The following AK5 variants were observed in gnomAD, a reference collection of about 807,000 sequenced individuals.
The protein encoded by AK5 is adenylate kinase 5.
Under a neutral mutation model 69.5 loss-of-function variants are expected in AK5, and 27 were observed. The observed-to-expected ratio is 0.39, with a 90% CI of 0.29 to 0.54. The LOEUF is 0.54. AK5 is among the 20% of genes least tolerant of loss of function. The pLI, the probability that AK5 is intolerant of heterozygous loss-of-function variation, is 0.71. For missense variants in AK5, 531 were observed against 700.4 expected (o/e 0.76, Z 2.73); for synonymous variants, 260 against 244.4 (o/e 1.06, Z -0.60).
intron 6 of AK5, among the ~76,000 whole-genome samples, chr1:77,403,013 T>C (rs1406957431): frequency 1.3e-5 from 2 of 152,108 alleles, no homozygotes; most frequent in African/African-American, 2.4e-5. Context: ...TGGTATCTCA[T>C]TGTGGTTTTG....
At chr1:77,472,709 A>C (rs115001967) in intron 8 of AK5, among the ~76,000 whole-genome samples, 2,162 of 117,790 alleles carry the variant, frequency 0.018, 59 homozygotes, top group African/African-American at 0.056. Flanking sequence ...ATGGTAAAAT[A>C]CCATCTCTAC....
chr1:77,299,059 A>C (rs1233292504), intron 5 of AK5, among the ~76,000 whole-genome samples: 1 of 152,164 alleles, frequency 6.6e-6, no homozygotes. Flanking sequence ...ATACAAATGC[A>C]TTCTAAATTT....
rs550079261 is a variant in AK5, at chr1:77,469,199, C to T, written c.1060-14118C>T. Reference sequence around the variant, plus strand: ...GCTGGGCTCTATTGATCTCAGCTCACTCACACATCTGCAGTGGGATGGACA... The same window carrying T: ...GCTGGGCTCTATTGATCTCAGCTCATTCACACATCTGCAGTGGGATGGACA... On this transcript the variant is annotated intron_variant, in intron 8 of 13. Transcript: ENST00000354567. Among the ~76,000 whole-genome samples, 124 of 152,314 alleles carry T rather than the reference C, an allele frequency of 8.1e-4. 5 individuals are homozygous for T. The South Asian group carries it at 0.025, about 30-fold the overall frequency.
At chr1:77,309,890 A>G (rs1246842022) in intron 5 of AK5, among the ~76,000 whole-genome samples, 1 of 151,854 alleles carries the variant, frequency 6.6e-6, no homozygotes, top group Non-Finnish European at 1.5e-5. Context: ...ATTTTCTTTC[A>G]TTTATATTTT....
At chr1:77,462,758 T>C (rs1365159009) in intron 8 of AK5, among the ~76,000 whole-genome samples, 6 of 152,184 alleles carry the variant, frequency 3.9e-5, no homozygotes, top group African/African-American at 1.4e-4. Flanking sequence ...TCAATAAATA[T>C]GGTGGTACTG....
chr1:77,503,219 G>C (rs1656828366), intron 10 of AK5, among the ~76,000 whole-genome samples: 1 of 152,160 alleles, frequency 6.6e-6, no homozygotes, highest in Non-Finnish European at 1.5e-5. Context: ...AAAACCATCA[G>C]TTTCACATGC....
intron 10 of AK5, among the ~76,000 whole-genome samples, chr1:77,503,637 C>T (rs148203450): frequency 6.6e-6 from 1 of 152,106 alleles, no homozygotes; most frequent in Admixed American, 6.5e-5. Context: ...CACAGTGGCT[C>T]AAACCTATAA....
intron 5 of AK5, among the ~76,000 whole-genome samples, chr1:77,315,773 G>A (rs1277264642): frequency 6.6e-6 from 1 of 152,092 alleles, no homozygotes; most frequent in Non-Finnish European, 1.5e-5. Flanking sequence ...TATTCTGCTT[G>A]TTAAATTTAA....
intron 10 of AK5, among the ~76,000 whole-genome samples, chr1:77,495,938 G>A (rs919442231): frequency 3.3e-5 from 5 of 152,324 alleles, no homozygotes; most frequent in Middle Eastern, 3.4e-3. Context: ...GGTGAATTTT[G>A]TTAGTTCATT....
rs553790114 is a variant in AK5, at chr1:77,483,336, T to C, written c.1079T>C (p.Val360Ala). Reference protein sequence around the residue: ...YEDQGDDQLNVFGEDTMGGFM... With the variant: ...YEDQGDDQLNAFGEDTMGGFM... The stretch of plus-strand genomic sequence containing the variant: ...TAACAGGGTGATGACCAGTTAAATG[T>C]ATTTGGAGAGGACACTATGGGAGGT... Residue 360 changes from valine (V) to alanine (A), a missense_variant, in exon 9 of 14, where the codon GTA (valine) becomes GCA (alanine). Val to Ala is a moderately conservative substitution (Grantham distance 64). Transcript: ENST00000354567. The C allele has an allele frequency of 9.0e-5, 145 of 1,612,614 alleles. No homozygotes were observed. The highest frequency in any genetic ancestry group is 7.6e-4 in the East Asian group (34 of 44,868).
chr1:77,438,825 G>A (rs1021696904), intron 8 of AK5, among the ~76,000 whole-genome samples: 1 of 152,048 alleles, frequency 6.6e-6, no homozygotes, highest in South Asian at 2.1e-4. Context: ...CGAACCAGAA[G>A]AACATTGTCC....
chr1:77,373,682 T>A (rs1332505204), intron 6 of AK5, among the ~76,000 whole-genome samples: 1 of 151,194 alleles, frequency 6.6e-6, no homozygotes, highest in Non-Finnish European at 1.5e-5. Flanking sequence ...GCCGAGATCG[T>A]GCCATTGCAC....
chr1:77,307,905 T>C (rs1281177628), intron 5 of AK5, among the ~76,000 whole-genome samples: 3 of 152,194 alleles, frequency 2.0e-5, no homozygotes, highest in African/African-American at 7.2e-5. Context: ...TCGGTTTTCA[T>C]GAAGGTGTTT....
At chr1:77,283,755 T>C (rs1557460065) in intron 1 of AK5, 1 of 452,622 alleles carries the variant, frequency 2.2e-6, no homozygotes, top group African/African-American at 2.1e-5. Flanking sequence ...TTTTTTTGTT[T>C]GTTTTTATTT....
chr1:77,322,107 G>A (rs964770201), intron 5 of AK5, among the ~76,000 whole-genome samples: 1 of 152,090 alleles, frequency 6.6e-6, no homozygotes, highest in Non-Finnish European at 1.5e-5. Context: ...TTTTAAAATA[G>A]CATTGTTTGA....
chr1:77,488,955 G>A (rs976070355), intron 10 of AK5, among the ~76,000 whole-genome samples: 1 of 152,122 alleles, frequency 6.6e-6, no homozygotes, highest in Non-Finnish European at 1.5e-5. Flanking sequence ...AGAAATCTGT[G>A]TTTTTAATAA....
intron 5 of AK5, among the ~76,000 whole-genome samples, chr1:77,325,445 T>A (rs996945586): frequency 6.6e-6 from 1 of 152,154 alleles, no homozygotes; most frequent in African/African-American, 2.4e-5. Context: ...GGACACAACC[T>A]TGGATGTAAC....
At chr1:77,418,631 A>G (rs1650587554) in intron 8 of AK5, among the ~76,000 whole-genome samples, 1 of 152,226 alleles carries the variant, frequency 6.6e-6, no homozygotes, top group African/African-American at 2.4e-5. Context: ...CCCCCTAATT[A>G]GGCTTTATTT....
chr1:77,426,640 G>A (rs1360589186), intron 8 of AK5, among the ~76,000 whole-genome samples: 3 of 152,106 alleles, frequency 2.0e-5, no homozygotes, highest in African/African-American at 4.8e-5. Context: ...CAGTCAACTG[G>A]ATATAACTGG....
Sources: allele counts gnomAD v4.1 joint callset (sites outside exome capture counted in the v4.1 genomes callset), GRCh38; gene constraint gnomAD v4.1.1; transcripts MANE v1.5; gene names NCBI Gene and HGNC (gene_info 2026-07-23, HGNC 2026-07-21).